NBAS: variants seen among roughly 807,000 people sequenced by gnomAD.
The protein encoded by NBAS is NAG/BC035112 fusion.
A neutral mutation model predicts 302.5 loss-of-function variants in NBAS; 219 were observed. That is an observed-to-expected ratio of 0.72 (90% CI 0.65 to 0.81). The LOEUF (loss-of-function observed/expected upper bound fraction) is 0.81. NBAS is among the 30% of genes least tolerant of loss of function. The pLI, the probability that NBAS is intolerant of heterozygous loss-of-function variation, is 0.00. For missense variants in NBAS, 2,932 were observed against 2,841.6 expected, an observed-to-expected ratio of 1.03 and a Z score of -0.72; for synonymous variants, 1,118 against 1,021.6, an observed-to-expected ratio of 1.09 and a Z score of -1.80.
chr2:15,085,172 G>C, the NBAS span, among the ~76,000 whole-genome samples: 3 of 152,322 alleles, frequency 2.0e-5, no homozygotes, highest in East Asian at 5.8e-4. Flanking sequence ...TGCCACACTT[G>C]CACACGGAGT....
the NBAS span, among the ~76,000 whole-genome samples, chr2:14,910,029 G>A: frequency 1.3e-5 from 2 of 152,178 alleles, no homozygotes; most frequent in Non-Finnish European, 2.9e-5. Flanking sequence ...TCTCAGACCC[G>A]GTTGCCCTGG....
At chr2:15,023,889 TA>T in the NBAS span, among the ~76,000 whole-genome samples, 2 of 152,116 alleles carry the variant, frequency 1.3e-5, no homozygotes, top group Non-Finnish European at 2.9e-5. Context: ...GTGGGATTTT[TA>T]TATACACAAA....
the NBAS span, among the ~76,000 whole-genome samples, chr2:14,925,901 G>A: frequency 1.3e-5 from 2 of 152,268 alleles, no homozygotes; most frequent in East Asian, 3.9e-4. Context: ...TCACCTTTTG[G>A]ATCATTTTTG....
At chr2:15,358,410 G>A (rs575114817) in intron 32 of NBAS, among the ~76,000 whole-genome samples, 12 of 152,070 alleles carry the variant, frequency 7.9e-5, no homozygotes, top group East Asian at 1.9e-4. Flanking sequence ...GTGTGTGTGC[G>A]CACACATGTG....
chr2:15,319,940 A>T (rs1250532860), intron 38 of NBAS, among the ~76,000 whole-genome samples: 1 of 150,772 alleles, frequency 6.6e-6, no homozygotes, highest in Non-Finnish European at 1.5e-5. Context: ...AGACACAACA[A>T]AAAAAAAAGA....
chr2:15,338,672 CAT>C (rs1410455308), intron 35 of NBAS, among the ~76,000 whole-genome samples: 168 of 133,468 alleles, frequency 1.3e-3, no homozygotes, highest in East Asian at 4.4e-3. Context: ...CAAACACACA[CAT>C]ACACACACAC....
rs375378129 is a variant in NBAS, at chr2:15,561,285, C to G, written c.20G>C (p.Gly7Ala). The change falls in exon 1 of 52, where the codon GGG (glycine) becomes GCG (alanine). Residue 7 changes from glycine to alanine, a missense_variant. Transcript: ENST00000281513. The stretch of plus-strand genomic sequence containing the variant: ...TGCAGTGCCTGGACTCAAAGCCGGC[C>G]CTGACTCGGGGGCCGCCATGTTCGC... MAAPES[G>A]PALSPGTAEG... The G allele has an allele frequency of 1.2e-6, 2 of 1,613,594 alleles. No individual in the cohort carries two copies. The highest frequency in any genetic ancestry group is 1.7e-6 in the Non-Finnish European group (2 of 1,180,034).
chr2:15,276,949 G>T lies in NBAS; in HGVS notation c.5291C>A (p.Thr1764Asn). ...TGCACAGCCACAGTTTTCCAGAAGA[G>T]TGAAATAATACTGCAGCCTTTCGTG... ...FDHERLQYYF[T>N]LLENCGCADL... The change falls in exon 43 of 52, where the codon ACT becomes AAT. Residue 1764 changes from threonine (T) to asparagine (N), a missense_variant. Physicochemically the swap from Thr to Asn is moderately conservative, Grantham distance 65 (BLOSUM62 0). Transcript: ENST00000281513. 6.2e-7 allele frequency: 1 copy of T among 1,614,090 alleles called. No individual in the cohort carries two copies. The highest frequency in any genetic ancestry group is 1.1e-5 in the South Asian group (1 of 91,072).
the NBAS span, among the ~76,000 whole-genome samples, chr2:14,975,202 A>T: frequency 2.6e-5 from 4 of 152,150 alleles, no homozygotes; most frequent in Non-Finnish European, 1.5e-5. Context: ...GTGAGACCCT[A>T]AACAGGGTAA....
In NBAS at chr2:15,467,369, C is replaced by T. The variant is rs1236192342; in HGVS notation, c.2057G>A (p.Arg686Gln). ...LEQKELCRCR[R>Q]KLLTYLDRLA... is the part of the protein sequence containing the mutation. ...TCGATCTAAGTAGGTTAATAACTTC[C>T]GTCTACAACGGCAAAGTTCCTTTTG... Residue 686 changes from arginine to glutamine, a missense_variant, in exon 19 of 52, where the codon CGG (arginine) becomes CAG (glutamine). Coordinates refer to ENST00000281513, the MANE Select transcript of NBAS (RefSeq NM_015909.4). 2 of 1,613,494 alleles carry T rather than the reference C, an allele frequency of 1.2e-6. No homozygotes were observed. Among genetic ancestry groups the T allele is most frequent in the Middle Eastern group, 1.7e-4 (1 of 6,052 alleles).
Position 15,428,576 on chromosome 2 carries a change from A to C in NBAS, c.2340-782T>G, listed in dbSNP as rs575365400. ...GGGACCTCATTTCTACAAAAAATTT[A>C]AAAATTATCCAGGTGTGGTGGTGGC... On this transcript the variant is annotated intron_variant, in intron 21 of 51. Transcript: ENST00000281513. Among the ~76,000 whole-genome samples, 4 of 152,270 alleles carry C rather than the reference A, an allele frequency of 2.6e-5. No individual in the cohort carries two copies. In the South Asian group the frequency reaches 8.3e-4, roughly 32 times the overall value.
At chr2:15,332,476 C>T (rs1672396423) in intron 35 of NBAS, among the ~76,000 whole-genome samples, 1 of 151,878 alleles carries the variant, frequency 6.6e-6, no homozygotes, top group Non-Finnish European at 1.5e-5. Context: ...CCAATGCTTA[C>T]AATTTACCCA....
intron 16 of NBAS, among the ~76,000 whole-genome samples, chr2:15,471,058 C>T (rs979769929): frequency 6.6e-6 from 1 of 152,164 alleles, no homozygotes; most frequent in Non-Finnish European, 1.5e-5. Context: ...AGTGCTCTTG[C>T]TCTTAACTGT....
chr2:15,290,035 AGAG>A (rs1372293903), intron 41 of NBAS, among the ~76,000 whole-genome samples: 2 of 145,676 alleles, frequency 1.4e-5, no homozygotes, highest in East Asian at 2.1e-4. Flanking sequence ...AGAAGAGAGG[AGAG>A]GAGAAGAGGG....
the NBAS span, among the ~76,000 whole-genome samples, chr2:14,920,539 T>C: frequency 6.6e-6 from 1 of 152,210 alleles, no homozygotes. Flanking sequence ...TTAGATAGTA[T>C]CATTTCCTAA....
At chr2:15,113,675 C>A in the NBAS span, among the ~76,000 whole-genome samples, 1 of 152,052 alleles carries the variant, frequency 6.6e-6, no homozygotes, top group Non-Finnish European at 1.5e-5. Flanking sequence ...ATATCCTTCT[C>A]TCCATAAAAT....
rs199607676 is a variant in NBAS, at chr2:15,205,423, T to A, written c.6432+13350A>T. ...AAGTCCTTACTTATCAATAATAACCTTGAATGAAATGGACTAAATTCGCCA... is the reference window on the plus strand; with the variant it reads ...AAGTCCTTACTTATCAATAATAACCATGAATGAAATGGACTAAATTCGCCA... On this transcript the variant is annotated intron_variant, in intron 48 of 51. Transcript: ENST00000281513. Among the ~76,000 whole-genome samples, 8 of 152,042 alleles carry A rather than the reference T, an allele frequency of 5.3e-5. No individual in the cohort carries two copies. The East Asian group carries it at 1.5e-3, about 29-fold the overall frequency.
intron 9 of NBAS, among the ~76,000 whole-genome samples, chr2:15,523,298 C>T (rs770469450): frequency 7.2e-5 from 11 of 152,066 alleles, no homozygotes; most frequent in Non-Finnish European, 1.0e-4. Flanking sequence ...GTTCTGCACA[C>T]GTGGATTCAA....
chr2:15,236,898 A>C (rs6714789), intron 45 of NBAS, among the ~76,000 whole-genome samples: 90,786 of 151,940 alleles, frequency 0.6, 29,975 homozygotes, highest in African/African-American at 0.87. Flanking sequence ...TTCTTTCAAA[A>C]TTTTAAGTTC....
Sources: gnomAD v4.1 joint callset for allele counts (sites outside exome capture counted in the v4.1 genomes callset) on GRCh38, gnomAD v4.1.1 for gene constraint, MANE v1.5 for transcripts, NCBI Gene and HGNC (gene_info 2026-07-23, HGNC 2026-07-21) for gene names.